Variants in PDS5A observed in about 807,000 individuals in gnomAD.
PDS5A encodes the protein PDS5 cohesin associated factor A, also known as sister chromatid cohesion protein PDS5 homolog A.
A neutral mutation model predicts 167.1 loss-of-function variants in PDS5A; 42 were observed. The observed-to-expected ratio is 0.25, with a 90% CI of 0.20 to 0.33. PDS5A has a LOEUF of 0.33. Among genes scored for constraint, PDS5A ranks in the 10% least tolerant of loss-of-function variants. The pLI, the probability that PDS5A is intolerant of heterozygous loss-of-function variation, is 1.00. For missense variants in PDS5A, 1,033 were observed against 1,605.9 expected, an observed-to-expected ratio of 0.64 and a Z score of 6.10; for synonymous variants, 553 against 554.6, an observed-to-expected ratio of 1.00 and a Z score of 0.04.
chr4:39,877,201 C>A, intron 18 of PDS5A, 48 bp from the exon 19 acceptor site: 12 of 1,214,812 alleles, frequency 9.9e-6, no homozygotes, highest in South Asian at 7.2e-5. Flanking sequence ...GGTTTTAATC[C>A]ATTAAAAAAG....
intron 17 of PDS5A, among the ~76,000 whole-genome samples, chr4:39,889,884 TATA>T (rs1721814303): frequency 2.0e-5 from 3 of 152,234 alleles, no homozygotes; most frequent in Admixed American, 1.3e-4. Context: ...TGAACAGTGG[TATA>T]ATATGTACTA....
At chr4:39,851,814 C>A (rs1456652667) in intron 26 of PDS5A, among the ~76,000 whole-genome samples, 1 of 152,130 alleles carries the variant, frequency 6.6e-6, no homozygotes, top group Non-Finnish European at 1.5e-5. Flanking sequence ...ACACTGAAAT[C>A]ATTTCCTTAA....
chr4:39,939,226 G>A (rs917360078), intron 2 of PDS5A, among the ~76,000 whole-genome samples: 1 of 151,988 alleles, frequency 6.6e-6, no homozygotes, highest in Non-Finnish European at 1.5e-5. Context: ...CTTTGGGAGG[G>A]CGAGGCAGGA....
chr4:39,944,894 T>A (rs574686173), intron 2 of PDS5A, among the ~76,000 whole-genome samples: 35 of 152,224 alleles, frequency 2.3e-4, no homozygotes, highest in African/African-American at 8.4e-4. Flanking sequence ...AATCCTCTAT[T>A]CTTTTTTTCT....
chr4:39,885,260 AAAAAAG>A (rs1387138679), intron 17 of PDS5A, among the ~76,000 whole-genome samples: 1 of 150,910 alleles, frequency 6.6e-6, no homozygotes, highest in African/African-American at 2.4e-5. Flanking sequence ...AAAAAAAAAA[AAAAAAG>A]AAAGGAAAAG....
At chr4:39,963,737 T>C (rs1344009945) in intron 2 of PDS5A, among the ~76,000 whole-genome samples, 3 of 151,390 alleles carry the variant, frequency 2.0e-5, no homozygotes, top group Non-Finnish European at 4.4e-5. Context: ...GAGCCTGAGG[T>C]AGGAGGATCA....
intron 2 of PDS5A, among the ~76,000 whole-genome samples, chr4:39,970,401 A>G (rs1730388573): frequency 6.6e-6 from 1 of 151,582 alleles, no homozygotes; most frequent in Non-Finnish European, 1.5e-5. Context: ...AATTATTGTC[A>G]ACGAAGCTTC....
At chr4:39,941,990 T>C (rs149289991) in intron 2 of PDS5A, among the ~76,000 whole-genome samples, 3 of 152,308 alleles carry the variant, frequency 2.0e-5, no homozygotes, top group East Asian at 3.9e-4. Flanking sequence ...TTAGATTCCA[T>C]TGCCAAAATG....
At chr4:39,920,690 C>A (rs1305725954) in intron 6 of PDS5A, among the ~76,000 whole-genome samples, 2 of 152,096 alleles carry the variant, frequency 1.3e-5, no homozygotes, top group Non-Finnish European at 2.9e-5. Context: ...CAAAACAGAC[C>A]TAATGCTTTT....
At chr4:39,952,273 G>A (rs928719034) in intron 2 of PDS5A, among the ~76,000 whole-genome samples, 5 of 152,206 alleles carry the variant, frequency 3.3e-5, no homozygotes, top group Non-Finnish European at 7.3e-5. Context: ...GGAGGTTGCA[G>A]TGAGCTGATA....
At chr4:39,915,880 C>A (rs1015470959) in intron 8 of PDS5A, among the ~76,000 whole-genome samples, 2 of 152,128 alleles carry the variant, frequency 1.3e-5, no homozygotes, top group Non-Finnish European at 2.9e-5. Flanking sequence ...CATTTCACAT[C>A]TATAAACTAC....
At chr4:39,833,849 C>T (rs1456858539) in intron 32 of PDS5A, among the ~76,000 whole-genome samples, 2 of 152,174 alleles carry the variant, frequency 1.3e-5, no homozygotes, top group Non-Finnish European at 2.9e-5. Context: ...GTTCAGCTTA[C>T]AAAATTCTGA....
chr4:39,843,090 G>A (rs1156380688), intron 30 of PDS5A, among the ~76,000 whole-genome samples: 1 of 151,134 alleles, frequency 6.6e-6, no homozygotes, highest in Non-Finnish European at 1.5e-5. Context: ...GCCCAGATTG[G>A]TTTCGAACTC....
At chr4:39,869,810 A>G (rs897941004) in intron 21 of PDS5A, among the ~76,000 whole-genome samples, 12 of 152,124 alleles carry the variant, frequency 7.9e-5, no homozygotes, top group Non-Finnish European at 1.6e-4. Context: ...ATGGTGCTAG[A>G]AAAACTGGAT....
chr4:39,827,106 T>C (rs1715394940), intron 32 of PDS5A, among the ~76,000 whole-genome samples: 1 of 152,052 alleles, frequency 6.6e-6, no homozygotes, highest in Non-Finnish European at 1.5e-5. Context: ...GTTCAAGCGA[T>C]TCTCCTGCCT....
In PDS5A at chr4:39,824,758, A is replaced by G. The variant is rs1208558268; in HGVS notation, c.*727T>C. On this transcript the variant is annotated 3_prime_UTR_variant, in exon 33 of 33. Transcript: ENST00000303538. ...ACAATATGTACATTTATTGCAAATT[A>G]TATTAAACTAAAATGAGGGGAAATC... is the stretch of plus-strand genomic sequence containing the variant. 1 of 152,634 alleles carries G rather than the reference A, an allele frequency of 6.6e-6. No individual in the cohort carries two copies. The allele number at this position is 152,634 out of a possible 1,614,324, so 9.5% of individuals were successfully genotyped here.
intron 2 of PDS5A, chr4:39,973,177 T>C: frequency 9.2e-7 from 1 of 1,086,434 alleles, no homozygotes; most frequent in Admixed American, 1.7e-5. Context: ...CTGGGTAGCC[T>C]CTTTAGCTTG....
intron 32 of PDS5A, among the ~76,000 whole-genome samples, chr4:39,833,968 T>C (rs1000311044): frequency 6.6e-6 from 1 of 152,184 alleles, no homozygotes; most frequent in African/African-American, 2.4e-5. Flanking sequence ...TCTAGACAAG[T>C]ACGATCAAGA....
intron 24 of PDS5A, 42 bp downstream of exon 24, chr4:39,863,294 C>T (rs754612348): frequency 1.6e-5 from 24 of 1,465,864 alleles, no homozygotes; most frequent in Non-Finnish European, 2.0e-5. Context: ...ATGTATTCAA[C>T]TTTGAAGATA....
Sources: gnomAD v4.1 joint callset for allele counts (sites outside exome capture counted in the v4.1 genomes callset) on GRCh38, gnomAD v4.1.1 for gene constraint, MANE v1.5 for transcripts, NCBI Gene and HGNC (gene_info 2026-07-23, HGNC 2026-07-21) for gene names.